Variants in PEX7 observed in about 807,000 individuals in gnomAD.
The protein encoded by PEX7 is PTS2 receptor.
Under a neutral mutation model 47.5 loss-of-function variants are expected in PEX7, and 34 were observed. That is an observed-to-expected ratio of 0.72 (90% CI 0.54 to 0.95). PEX7 has a LOEUF of 0.95. PEX7 is among the 40% of genes least tolerant of loss of function. The pLI is 0.00. For synonymous variants in PEX7, 141 were observed against 148.8 expected (o/e 0.95, Z 0.38); for missense variants, 394 against 400.3 (o/e 0.98, Z 0.13).
At position 136,826,465 on chromosome 6, in the gene PEX7, A is replaced by G. The variant is rs778763416; in HGVS notation, c.335A>G (p.Gln112Arg). Residue 112 changes from glutamine to arginine, a missense_variant, in exon 3 of 10, where the codon CAG (glutamine) becomes CGG (arginine). Physicochemically the swap from Gln to Arg is conservative, Grantham distance 43. Transcript: ENST00000318471. The part of the protein sequence containing the change: ...GPLQVYKEHA[Q>R]EVYSVDWSQT... The stretch of plus-strand genomic sequence containing the variant: ...CTGCAAGTCTATAAAGAACACGCTC[A>G]GGAGGTAGGAGGGAAATCTTTCTGG... 31 of 1,613,896 alleles carry G rather than the reference A, an allele frequency of 1.9e-5. 1 individual carries two copies. Among genetic ancestry groups the G allele is most frequent in the Middle Eastern group, 3.3e-4 (2 of 6,084 alleles).
intron 5 of PEX7, among the ~76,000 whole-genome samples, chr6:136,861,415 A>T (rs376387011): frequency 1.3e-5 from 2 of 152,168 alleles, no homozygotes; most frequent in Non-Finnish European, 2.9e-5. Flanking sequence ...TCACATACTC[A>T]TATCTTATTA....
Position 136,866,623 on chromosome 6 carries a change from C to G in PEX7, c.527-4C>G. 6.2e-7 allele frequency: 1 copy of G among 1,611,876 alleles called. No homozygotes were observed. The highest frequency in any genetic ancestry group is 8.5e-7 in the Non-Finnish European group (1 of 1,178,102). ...GGAAATGATCAAGTCTTCCTTTTTA[C>G]TAGGTGATCAGACTCTGAGAATATG... On this transcript the variant is annotated splice_region_variant and splice_polypyrimidine_tract_variant and intron_variant, in intron 5 of 9. Coordinates refer to ENST00000318471, the MANE Select transcript of PEX7 (RefSeq NM_000288.4).
At chr6:136,910,091 T>G (rs1216860887) in intron 9 of PEX7, among the ~76,000 whole-genome samples, 3 of 152,250 alleles carry the variant, frequency 2.0e-5, no homozygotes, top group African/African-American at 7.2e-5. Context: ...TATGAGGCAC[T>G]GTTTTAGTGG....
At chr6:136,891,437 T>C (rs1011761391) in intron 8 of PEX7, among the ~76,000 whole-genome samples, 1 of 152,172 alleles carries the variant, frequency 6.6e-6, no homozygotes, top group African/African-American at 2.4e-5. Context: ...CCTTTGAAAA[T>C]TGTTCAGTAG....
chr6:136,861,543 G>A (rs561825270), intron 5 of PEX7, among the ~76,000 whole-genome samples: 1 of 151,936 alleles, frequency 6.6e-6, no homozygotes, highest in Non-Finnish European at 1.5e-5. Flanking sequence ...TAGGCATTTT[G>A]TATGTTTTAA....
intron 9 of PEX7, among the ~76,000 whole-genome samples, chr6:136,901,874 C>T (rs1775758937): frequency 6.6e-6 from 1 of 152,204 alleles, no homozygotes; most frequent in Non-Finnish European, 1.5e-5. Flanking sequence ...CAGCCTCCGT[C>T]TTCTGGGTTC....
intron 3 of PEX7, chr6:136,830,045 C>T: frequency 1.4e-6 from 1 of 712,176 alleles, no homozygotes; most frequent in Non-Finnish European, 2.6e-6. Context: ...AGAAGAGCAA[C>T]TAATGGGTCA....
At chr6:136,849,679 A>G (rs1774700361) in intron 5 of PEX7, among the ~76,000 whole-genome samples, 1 of 152,116 alleles carries the variant, frequency 6.6e-6, no homozygotes, top group Non-Finnish European at 1.5e-5. Flanking sequence ...GAGTTTCTTA[A>G]TCCTGAGTTC....
At chr6:136,872,649 T>C (rs923309407) in intron 8 of PEX7, among the ~76,000 whole-genome samples, 1 of 152,150 alleles carries the variant, frequency 6.6e-6, no homozygotes, top group Admixed American at 6.5e-5. Context: ...ACAATGAACA[T>C]GAGTGTATGA....
Position 136,900,420 on chromosome 6 carries a change from C to A in PEX7, c.903+2179C>A. On this transcript the variant is annotated intron_variant, in intron 9 of 9. Coordinates refer to ENST00000318471, the MANE Select transcript of PEX7 (RefSeq NM_000288.4). The surrounding 1 kb of genome is among the most constrained non-coding windows in gnomAD (Gnocchi z 4.2). ...CAGGTTCTTTAGCCTTTGCCTTTTC[C>A]AGCTTGGCAGTGTGAGCCACAGACT... 5.0e-6 allele frequency: 2 copies of A among 400,622 alleles called. No homozygotes were observed. The highest frequency in any genetic ancestry group is 6.7e-5 in the East Asian group (1 of 14,990). The allele number at this position is 400,622 out of a possible 1,614,324, so 24.8% of individuals were successfully genotyped here.
At position 136,836,124 on chromosome 6, in the gene PEX7, A is replaced by G. The variant is rs376612578; in HGVS notation, c.340-9491A>G. Among the ~76,000 whole-genome samples, 23 of 152,330 alleles carry G rather than the reference A, an allele frequency of 1.5e-4. No individual in the cohort carries two copies. In the South Asian group the frequency reaches 3.9e-3, roughly 26 times the overall value. On this transcript the variant is annotated intron_variant, in intron 3 of 9. Coordinates refer to ENST00000318471, the MANE Select transcript of PEX7 (RefSeq NM_000288.4). ...AAAGCATATGTAGGAGAATTATGCA[A>G]TCTTATTTGAGAACTTATATGAAAC... is the stretch of plus-strand genomic sequence containing the variant.
In PEX7 at chr6:136,889,431, A is replaced by G. The variant is rs117373358; in HGVS notation, c.804-8711A>G. Among the ~76,000 whole-genome samples, 522 of 152,364 alleles carry G rather than the reference A, an allele frequency of 3.4e-3. 9 individuals are homozygous for G. In the South Asian group the frequency reaches 0.041, roughly 12 times the overall value. On this transcript the variant is annotated intron_variant, in intron 8 of 9. Transcript: ENST00000318471. ...ATGAAACCAGATCCGTGTCTAATTC[A>G]TAACTGAATGCAAGCACATGAATAA...
chr6:136,849,316 T>A (rs538667861), intron 5 of PEX7, among the ~76,000 whole-genome samples: 3 of 152,176 alleles, frequency 2.0e-5, no homozygotes, highest in African/African-American at 7.2e-5. Context: ...CTGGATTCAT[T>A]GATTTTTTTG....
chr6:136,885,218 C>T (rs1775449352), intron 8 of PEX7, among the ~76,000 whole-genome samples: 1 of 152,134 alleles, frequency 6.6e-6, no homozygotes, highest in Non-Finnish European at 1.5e-5. Flanking sequence ...AGCAAATTCT[C>T]AGATATCTGA....
intron 1 of PEX7, chr6:136,823,275 C>T (rs1209474844): frequency 1.0e-6 from 1 of 985,390 alleles, no homozygotes; most frequent in Non-Finnish European, 1.2e-6. Context: ...TTCCTAAGGA[C>T]GATGCTCCTG....
intron 3 of PEX7, chr6:136,829,951 A>T (rs1456370471): frequency 4.3e-5 from 27 of 623,042 alleles, no homozygotes; most frequent in East Asian, 1.8e-4. Flanking sequence ...GAAAGTTATT[A>T]AAAAAAAAAG....
chr6:136,870,366 G>A lies in PEX7; in HGVS notation c.747+363G>A, dbSNP rs577218749. The stretch of plus-strand genomic sequence containing the variant: ...CGAGAGTCTCTACTTTGTTGAAACA[G>A]ATGTAAAGAGATGGTTAATTCTTTC... On this transcript the variant is annotated intron_variant, in intron 7 of 9. Transcript: ENST00000318471. Among the ~76,000 whole-genome samples, 28 of 152,220 alleles carry A rather than the reference G, an allele frequency of 1.8e-4. No individual in the cohort carries two copies. The South Asian group carries it at 5.4e-3, about 29-fold the overall frequency.
intron 5 of PEX7, among the ~76,000 whole-genome samples, chr6:136,866,263 A>G (rs1177292816): frequency 6.6e-6 from 1 of 151,822 alleles, no homozygotes; most frequent in East Asian, 1.9e-4. Context: ...TTGTTACTCT[A>G]TTGTTGGTTT....
At chr6:136,848,843 T>C (rs1189967849) in intron 5 of PEX7, among the ~76,000 whole-genome samples, 3 of 152,232 alleles carry the variant, frequency 2.0e-5, no homozygotes, top group Non-Finnish European at 4.4e-5. Flanking sequence ...CAGGCTTTGG[T>C]ATCAGTATGC....
Sources: gnomAD v4.1 joint callset for allele counts (sites outside exome capture counted in the v4.1 genomes callset) on GRCh38, gnomAD v4.1.1 for gene constraint, Gnocchi (gnomAD v3.1) non-coding constraint, MANE v1.5 for transcripts, NCBI Gene and HGNC (gene_info 2026-07-23, HGNC 2026-07-21) for gene names.